Variants in UGT2A3 observed in about 807,000 individuals in gnomAD.
UGT2A3 encodes UDP glucuronosyltransferase family 2 member A3, also known as UDP-glucuronosyltransferase 2A3.
Under a neutral mutation model 44.1 loss-of-function variants are expected in UGT2A3, and 55 were observed. The observed-to-expected ratio is 1.25, with a 90% CI of 1.00 to 1.56. UGT2A3 has a LOEUF of 1.56. Among genes scored for constraint, UGT2A3 ranks in the 40% most tolerant of loss-of-function variants. The pLI is 0.00. For missense variants in UGT2A3, 733 were observed against 621.6 expected (o/e 1.18, Z -1.91); for synonymous variants, 243 against 215.1 (o/e 1.13, Z -1.13).
At chr4:68,940,460 A>G (rs1362468601) in intron 2 of UGT2A3, among the ~76,000 whole-genome samples, 1 of 152,038 alleles carries the variant, frequency 6.6e-6, no homozygotes, top group Non-Finnish European at 1.5e-5. Flanking sequence ...AGAAAATCAA[A>G]CACTGCATGT....
intron 2 of UGT2A3, among the ~76,000 whole-genome samples, chr4:68,944,752 C>A (rs114831289): frequency 0.025 from 3,837 of 151,802 alleles, 185 homozygotes; most frequent in African/African-American, 0.088. Context: ...ACACAGAATT[C>A]ATCATATAAA....
intron 2 of UGT2A3, among the ~76,000 whole-genome samples, chr4:68,936,623 A>G (rs1009536985): frequency 1.4e-4 from 22 of 152,094 alleles, no homozygotes; most frequent in African/African-American, 5.1e-4. Context: ...AATTGTAAAG[A>G]CCATCAATGC....
rs62641705 is a variant in UGT2A3, at chr4:68,945,392, A to T, written c.778T>A (p.Trp260Arg). ...TATGGTTGAGGAAATTCAAAATCCC[A>T]ATATGTTCGTATTAGCCATATCTCA... Reference protein sequence around the residue: ...KAEIWLIRTYWDFEFPQPYQP... With the variant: ...KAEIWLIRTYRDFEFPQPYQP... The change falls in exon 2 of 6, where the codon TGG becomes AGG. Residue 260 changes from tryptophan (W) to arginine (R), a missense_variant. Physicochemically the swap from Trp to Arg is moderately radical, Grantham distance 101. Transcript: ENST00000251566. The T allele has an allele frequency of 6.2e-7, 1 of 1,611,458 alleles. No homozygotes were observed. The highest frequency in any genetic ancestry group is 1.3e-5 in the African/African-American group (1 of 74,844).
rs959700824 is a variant in UGT2A3 at position 68,928,465 on chromosome 4, T to G, written c.*1348A>C. The G allele has an allele frequency of 2.0e-5, 3 of 152,078 alleles. No homozygotes were observed. Among genetic ancestry groups the G allele is most frequent in the African/African-American group, 7.2e-5 (3 of 41,438 alleles). 9.4% of individuals were successfully genotyped at this position (152,078 alleles called of 1,614,324 possible). A position where few individuals can be genotyped will look rare whatever the true frequency, so the allele number is the denominator to read the frequency against. ...ATCAGTGTAAAAACTTAAGAAACTT[T>G]CAAAACAGTAAACAATTTTATTTAT... On this transcript the variant is annotated 3_prime_UTR_variant, in exon 6 of 6. Coordinates refer to ENST00000251566, the MANE Select transcript of UGT2A3 (RefSeq NM_024743.4).
chr4:68,939,267 C>T (rs1244246665), intron 2 of UGT2A3, among the ~76,000 whole-genome samples: 1 of 152,104 alleles, frequency 6.6e-6, no homozygotes, highest in Non-Finnish European at 1.5e-5. Context: ...AAGAACAAAG[C>T]TGGAGGCATC....
rs1209953223 is a variant in UGT2A3, at chr4:68,930,536, T to C, written c.1304+10A>G. On this transcript the variant is annotated intron_variant, in intron 5 of 5. Transcript: ENST00000251566. The stretch of plus-strand genomic sequence containing the variant: ...ATGTTAGATCAGTCTGTACAAGCAG[T>C]AGTACTTACGAGGAATCGGTAATGA... 3 of 1,599,082 alleles carry C rather than the reference T, an allele frequency of 1.9e-6. No homozygotes were observed. Among genetic ancestry groups the C allele is most frequent in the South Asian group, 1.1e-5 (1 of 88,628 alleles).
chr4:68,931,402 C>T (rs939938212), intron 3 of UGT2A3, among the ~76,000 whole-genome samples, 160 bp from the exon 4 acceptor site: 4 of 151,934 alleles, frequency 2.6e-5, no homozygotes, highest in East Asian at 3.9e-4. Flanking sequence ...TATAGTAGGA[C>T]GTTTTACAAA....
intron 2 of UGT2A3, among the ~76,000 whole-genome samples, chr4:68,944,131 A>C (rs1718294317): frequency 6.6e-6 from 1 of 151,768 alleles, no homozygotes; most frequent in Non-Finnish European, 1.5e-5. Flanking sequence ...AGTTTCTCCC[A>C]TGTTTTCTCA....
chr4:68,929,797 T>C lies in UGT2A3; in HGVS notation c.*16A>G, dbSNP rs758714512. On this transcript the variant is annotated 3_prime_UTR_variant, in exon 6 of 6. Transcript: ENST00000251566. ...ACAGGATTACCCCATCAGGTCTTTC[T>C]TGAATTTGGAAAGATCTATTCCCTC... 7.1e-6 allele frequency: 11 copies of C among 1,551,300 alleles called. No homozygotes were observed. Among genetic ancestry groups the C allele is most frequent in the Admixed American group, 1.9e-5 (1 of 53,304 alleles).
chr4:68,928,980 A>G lies in UGT2A3; in HGVS notation c.*833T>C, dbSNP rs1331503842. 6.6e-6 allele frequency: 1 copy of G among 152,096 alleles called. No individual in the cohort carries two copies. Among genetic ancestry groups the G allele is most frequent in the African/African-American group, 2.4e-5 (1 of 41,442 alleles). 9.4% of individuals were successfully genotyped at this position (152,096 alleles called of 1,614,324 possible). A position where few individuals can be genotyped will look rare whatever the true frequency, so the allele number is the denominator to read the frequency against. On this transcript the variant is annotated 3_prime_UTR_variant, in exon 6 of 6. Coordinates refer to ENST00000251566, the MANE Select transcript of UGT2A3 (RefSeq NM_024743.4). ...AATTATGAGTATTCATCATTTTTAA[A>G]GAATAAACATATAAATCTTCTTTAA...
intron 2 of UGT2A3, among the ~76,000 whole-genome samples, chr4:68,944,934 A>G (rs907492118): frequency 2.6e-5 from 4 of 151,746 alleles, no homozygotes; most frequent in Non-Finnish European, 2.9e-5. Flanking sequence ...TCATGAAAAT[A>G]TGCTTATTTC....
chr4:68,929,831 CT>C lies in UGT2A3; in HGVS notation c.1565del (p.Lys522ArgfsTer2). On this transcript the variant is annotated frameshift_variant, in exon 6 of 6. Transcript: ENST00000251566. LOFTEE classifies it high-confidence loss of function. ...FSCQKFNKTR[K>X]IEKRE is the part of the protein sequence containing the mutation. ...GAAAGATCTATTCCCTCTTTTCTAT[CT>C]TTCTAGTTTTATTAAATTTTTGACA... The C allele has an allele frequency of 6.3e-7, 1 of 1,599,820 alleles. No individual in the cohort carries two copies. Among genetic ancestry groups the C allele is most frequent in the Non-Finnish European group, 8.5e-7 (1 of 1,171,748 alleles).
chr4:68,930,190 A>G, intron 5 of UGT2A3, 98 bp from the exon 6 acceptor site: 2 of 1,313,352 alleles, frequency 1.5e-6, no homozygotes, highest in Non-Finnish European at 2.1e-6. Flanking sequence ...CAAGCCAAGA[A>G]CATGTTCAGT....
At chr4:68,931,436 A>G (rs1384274903) in intron 3 of UGT2A3, among the ~76,000 whole-genome samples, 194 bp from the exon 4 acceptor site, 1 of 152,098 alleles carries the variant, frequency 6.6e-6, no homozygotes. Flanking sequence ...AATGTGTACC[A>G]GTTGCCTATT....
Position 68,945,400 on chromosome 4 carries a change from C to T in UGT2A3, c.770G>A (p.Arg257Gln), listed in dbSNP as rs148723888. Residue 257 changes from arginine to glutamine, a missense_variant, in exon 2 of 6, where the codon CGA becomes CAA. Arg to Gln is a conservative substitution (Grantham distance 43). Coordinates refer to ENST00000251566, the MANE Select transcript of UGT2A3 (RefSeq NM_024743.4). ...TVGKAEIWLI[R>Q]TYWDFEFPQP... ...AGGAAATTCAAAATCCCAATATGTT[C>T]GTATTAGCCATATCTCAGCTTTTCC... 3.0e-4 allele frequency: 489 copies of T among 1,611,110 alleles called. No homozygotes were observed. The highest frequency in any genetic ancestry group is 3.6e-4 in the Non-Finnish European group (428 of 1,178,390).
chr4:68,942,028 A>G (rs1197744564), intron 2 of UGT2A3, among the ~76,000 whole-genome samples: 1 of 151,820 alleles, frequency 6.6e-6, no homozygotes, highest in South Asian at 2.1e-4. Flanking sequence ...TAAACTGTTG[A>G]GGGAAATGCA....
At chr4:68,934,006 T>C (rs546516347) in intron 2 of UGT2A3, among the ~76,000 whole-genome samples, 29 of 152,100 alleles carry the variant, frequency 1.9e-4, no homozygotes, top group African/African-American at 6.3e-4. Context: ...CAGGTGGTTA[T>C]CTTTTTAAAT....
chr4:68,951,165 A>G lies in UGT2A3; in HGVS notation c.596T>C (p.Leu199Pro). The G allele has an allele frequency of 6.2e-7, 1 of 1,612,052 alleles. No homozygotes were observed. The highest frequency in any genetic ancestry group is 8.5e-7 in the Non-Finnish European group (1 of 1,178,992). ...LSYVPVPMTG[L>P]TDRMTFLERV... ...TTCCAGAAAGGTCATTCTGTCTGTT[A>G]GTCCTGTCATAGGCACAGGTACATA... is the stretch of plus-strand genomic sequence containing the variant. The change falls in exon 1 of 6, where the codon CTA becomes CCA. Residue 199 changes from leucine (L) to proline (P), a missense_variant. Transcript: ENST00000251566.
Position 68,928,512 on chromosome 4 carries a change from G to A in UGT2A3, c.*1301C>T, listed in dbSNP as rs1214917085. On this transcript the variant is annotated 3_prime_UTR_variant, in exon 6 of 6. Transcript: ENST00000251566. ...TTATATTTATTGTATACATACACAA[G>A]AAAAATACTTATATTTATTTTTATA... 6.6e-6 allele frequency: 1 copy of A among 151,698 alleles called. No individual in the cohort carries two copies. The highest frequency in any genetic ancestry group is 1.5e-5 in the Non-Finnish European group (1 of 67,896). The allele number at this position is 151,698 out of a possible 1,614,324, so 9.4% of individuals were successfully genotyped here. A position where few individuals can be genotyped will look rare whatever the true frequency, so the allele number is the denominator to read the frequency against.
Sources: gnomAD v4.1 joint callset for allele counts (sites outside exome capture counted in the v4.1 genomes callset) on GRCh38, gnomAD v4.1.1 for gene constraint, MANE v1.5 for transcripts, NCBI Gene and HGNC (gene_info 2026-07-23, HGNC 2026-07-21) for gene names.